PCDHA3: variants seen among roughly 807,000 people sequenced by gnomAD.
The protein encoded by PCDHA3 is protocadherin alpha 3.
In PCDHA3, 41 loss-of-function variants were observed where a neutral mutation model predicts 62.2. The ratio of observed to expected loss-of-function variants is 0.66; its 90% CI spans 0.51 to 0.86. The LOEUF is 0.86. Ranked by LOEUF, PCDHA3 falls within the 40% of genes least tolerant of loss-of-function variation. PCDHA3 has a pLI of 0.00. For missense variants in PCDHA3, 1,304 were observed against 1,241.2 expected, an observed-to-expected ratio of 1.05 and a Z score of -0.76; for synonymous variants, 640 against 555.4, an observed-to-expected ratio of 1.15 and a Z score of -2.14.
At chr5:140,828,029 C>T (rs1237418954) in intron 1 of PCDHA3, 16 of 1,519,884 alleles carry the variant, frequency 1.1e-5, no homozygotes, top group Non-Finnish European at 1.4e-5. Context: ...AATTCCGGAA[C>T]ATACAGTATT....
At chr5:140,803,952 A>G (rs79577696) in intron 1 of PCDHA3, 38 of 354,936 alleles carry the variant, frequency 1.1e-4, no homozygotes, top group African/African-American at 6.0e-4. Context: ...TGCTTCTTCA[A>G]TATCTTTTGC....
intron 1 of PCDHA3, among the ~76,000 whole-genome samples, chr5:140,961,632 A>G (rs373824042): frequency 7.9e-5 from 12 of 152,214 alleles, no homozygotes; most frequent in South Asian, 4.1e-4. Flanking sequence ...ATGAAAAACA[A>G]TCTTAAGTCT....
In PCDHA3 at chr5:140,968,565, C is replaced by T. The variant is rs532751675; in HGVS notation, c.2395-10384C>T. ...GAGATGGTGCCTCGAACTGCCCCTG[C>T]TGGCTACCTGGTCACCAAAGTCATA... is the stretch of plus-strand genomic sequence containing the variant. On this transcript the variant is annotated intron_variant, in intron 1 of 3. Coordinates refer to ENST00000522353, the MANE Select transcript of PCDHA3 (RefSeq NM_018906.3). 4.3e-6 allele frequency: 7 copies of T among 1,614,206 alleles called. No homozygotes were observed. The African/African-American group carries it at 6.7e-5, about 15-fold the overall frequency.
chr5:140,829,588 G>A lies in PCDHA3; in HGVS notation c.2394+25997G>A, dbSNP rs2150170714. ...CCTACTCGCTGGTGGAGCGGCGGGT[G>A]GGCGAGCGCGCGTTGTCGAGCTACA... On this transcript the variant is annotated intron_variant, in intron 1 of 3. Transcript: ENST00000522353. 36 of 1,611,952 alleles carry A rather than the reference G, an allele frequency of 2.2e-5. No individual in the cohort carries two copies. The African/African-American group carries it at 4.3e-4, about 19-fold the overall frequency.
Position 140,849,622 on chromosome 5 carries a change from A to G in PCDHA3, c.2394+46031A>G. The G allele has an allele frequency of 1.9e-6, 3 of 1,598,702 alleles. 1 individual carries two copies. The highest frequency in any genetic ancestry group is 2.6e-6 in the Non-Finnish European group (3 of 1,167,960). On this transcript the variant is annotated intron_variant, in intron 1 of 3. Coordinates refer to ENST00000522353, the MANE Select transcript of PCDHA3 (RefSeq NM_018906.3). Reference sequence around the variant, plus strand: ...GTTATTGCCCTGATTAGTGTGATCGACCTAGACGCAGATGCCAACGGGCAG... The same window carrying G: ...GTTATTGCCCTGATTAGTGTGATCGGCCTAGACGCAGATGCCAACGGGCAG...
intron 1 of PCDHA3, chr5:140,929,206 C>T (rs1554206828): frequency 2.5e-6 from 4 of 1,614,018 alleles, no homozygotes; most frequent in Non-Finnish European, 1.7e-6. Flanking sequence ...TTTGCTGTTG[C>T]GTGGGGAGTA....
chr5:140,970,423 G>A (rs2096404787), intron 1 of PCDHA3, among the ~76,000 whole-genome samples: 1 of 151,762 alleles, frequency 6.6e-6, no homozygotes, highest in Admixed American at 6.6e-5. Context: ...AAGGTGTAGA[G>A]GCAGGTGTTA....
chr5:140,928,392 G>T (rs17844366), intron 1 of PCDHA3: 1 of 1,614,052 alleles, frequency 6.2e-7, no homozygotes, highest in Admixed American at 1.7e-5. Context: ...TGCTGGCAGT[G>T]GAATCATCCA....
intron 1 of PCDHA3, among the ~76,000 whole-genome samples, chr5:140,972,724 C>T (rs953044769): frequency 1.9e-4 from 27 of 140,890 alleles, no homozygotes; most frequent in Non-Finnish European, 3.3e-4. Context: ...AGTGCAGTGG[C>T]GTAATCCCGG....
intron 1 of PCDHA3, chr5:140,816,740 A>T (rs2126674526): frequency 5.3e-4 from 81 of 151,982 alleles, no homozygotes; most frequent in African/African-American, 1.9e-3. Context: ...TTTTCTGTGG[A>T]TGCATCTTCT....
At chr5:140,823,003 A>G in intron 1 of PCDHA3, 1 of 1,614,236 alleles carries the variant, frequency 6.2e-7, no homozygotes, top group Non-Finnish European at 8.5e-7. Flanking sequence ...GGTGCTGGAC[A>G]GCGCCCTGGA....
chr5:140,809,837 G>T, intron 1 of PCDHA3: 1 of 337,106 alleles, frequency 3.0e-6, no homozygotes, highest in Non-Finnish European at 5.3e-6. Flanking sequence ...TTTGTTTTTG[G>T]TAATAATCAA....
At chr5:140,943,267 AAAAAAAAAAAG>A in intron 1 of PCDHA3, among the ~76,000 whole-genome samples, 2 of 150,426 alleles carry the variant, frequency 1.3e-5, no homozygotes, top group South Asian at 2.1e-4. Context: ...CAAAAAAAAA[AAAAAAAAAAAG>A]AAAGAAAGAA....
intron 3 of PCDHA3, among the ~76,000 whole-genome samples, chr5:141,000,006 C>T (rs1453937377): frequency 1.3e-5 from 2 of 151,992 alleles, no homozygotes; most frequent in Admixed American, 1.3e-4. Context: ...TTAGATTGGC[C>T]TCCCCATTGC....
At chr5:140,888,706 T>G (rs1554183604) in intron 1 of PCDHA3, among the ~76,000 whole-genome samples, 1 of 152,196 alleles carries the variant, frequency 6.6e-6, no homozygotes, top group African/African-American at 2.4e-5. Context: ...TTGGTAGGAA[T>G]GTGAAATATT....
chr5:140,873,546 A>C (rs2054343070), intron 1 of PCDHA3, among the ~76,000 whole-genome samples: 2 of 151,836 alleles, frequency 1.3e-5, no homozygotes, highest in Admixed American at 1.3e-4. Context: ...TAAAATTATA[A>C]TTTCAATTTA....
rs782194896 is a variant in PCDHA3 at position 140,992,662 on chromosome 5, G to A, written c.2542+10099G>A. Among the ~76,000 whole-genome samples, 4 of 152,160 alleles carry A rather than the reference G, an allele frequency of 2.6e-5. 1 individual carries two copies. The highest frequency in any genetic ancestry group is 5.9e-5 in the Non-Finnish European group (4 of 68,028). ...GAAAATAGAAGAAAGAGCCTGATTGGTGTGTATGTGTGTGTTAGGGGTTGA... is the reference window on the plus strand; with the variant it reads ...GAAAATAGAAGAAAGAGCCTGATTGATGTGTATGTGTGTGTTAGGGGTTGA... On this transcript the variant is annotated intron_variant, in intron 3 of 3. Transcript: ENST00000522353.
At chr5:140,958,998 C>T (rs868985322) in intron 1 of PCDHA3, among the ~76,000 whole-genome samples, 5 of 151,906 alleles carry the variant, frequency 3.3e-5, no homozygotes, top group South Asian at 2.1e-4. Flanking sequence ...TAATCTTTTA[C>T]TGTACCTAAT....
intron 1 of PCDHA3, chr5:140,823,221 C>A (rs1328701255): frequency 1.2e-6 from 2 of 1,613,612 alleles, no homozygotes; most frequent in Non-Finnish European, 1.7e-6. Flanking sequence ...GGGACGCGGA[C>A]GCGCAGGAGA....
Sources: allele counts gnomAD v4.1 joint callset (sites outside exome capture counted in the v4.1 genomes callset), GRCh38; gene constraint gnomAD v4.1.1; transcripts MANE v1.5; gene names NCBI Gene and HGNC (gene_info 2026-07-23, HGNC 2026-07-21).